MSH4: variants seen among roughly 807,000 people sequenced by gnomAD.
The protein encoded by MSH4 is mutS protein homolog 4.
In MSH4, 106 loss-of-function variants were observed where a neutral mutation model predicts 113.7. The ratio of observed to expected loss-of-function variants is 0.93; its 90% CI spans 0.80 to 1.10. The LOEUF (loss-of-function observed/expected upper bound fraction) is 1.10. Among genes scored for constraint, MSH4 ranks in the 50% least tolerant of loss-of-function variants. The pLI, the probability that MSH4 is intolerant of heterozygous loss-of-function variation, is 0.00. For synonymous variants in MSH4, 368 were observed against 380.2 expected (o/e 0.97, Z 0.37); for missense variants, 1,061 against 1,093.7 (o/e 0.97, Z 0.42).
Position 75,883,709 on chromosome 1 carries a change from C to T in MSH4, c.1995C>T (p.Asn665=). 1 of 1,613,134 alleles carries T rather than the reference C, an allele frequency of 6.2e-7. No individual in the cohort carries two copies. The highest frequency in any genetic ancestry group is 8.5e-7 in the Non-Finnish European group (1 of 1,179,520). The change falls in exon 15 of 20, where the codon AAC becomes AAT. Residue 665 remains asparagine (N), a synonymous_variant. Transcript: ENST00000263187. ...TATCTGCGGAAAAACCTATTGCCAA[C>T]AATACCTATGTTACAGAAGGGAGTA... ...EKISAEKPIA[N]NTYVTEGSNF...
At chr1:75,820,447 C>G (rs1223370776) in intron 6 of MSH4, among the ~76,000 whole-genome samples, 1 of 152,128 alleles carries the variant, frequency 6.6e-6, no homozygotes, top group African/African-American at 2.4e-5. Context: ...TCCATCTGGT[C>G]CTGGACATTT....
At position 75,822,504 on chromosome 1, in the gene MSH4, T is replaced by C; in HGVS notation, c.1085T>C (p.Ile362Thr). 6.3e-7 allele frequency: 1 copy of C among 1,587,430 alleles called. No individual in the cohort carries two copies. Among genetic ancestry groups the C allele is most frequent in the Non-Finnish European group, 8.5e-7 (1 of 1,169,926 alleles). ...RSNILEPLVD[I>T]ETINMRLDCV... is the part of the protein sequence containing the mutation. ...AATATATTAGAGCCTCTAGTTGATA[T>C]TGAAACCATTAACATGAGATTAGAT... Residue 362 changes from isoleucine to threonine, a missense_variant, in exon 7 of 20, where the codon ATT becomes ACT. By Grantham distance (89) the Ile-to-Thr change is moderately conservative. Coordinates refer to ENST00000263187, the MANE Select transcript of MSH4 (RefSeq NM_002440.4).
chr1:75,830,984 C>T (rs1259756949), intron 7 of MSH4, among the ~76,000 whole-genome samples: 1 of 152,122 alleles, frequency 6.6e-6, no homozygotes, highest in Non-Finnish European at 1.5e-5. Context: ...AATTAAAAGA[C>T]ACAGACTGGC....
Position 75,912,833 on chromosome 1 carries a change from G to A in MSH4, c.2757G>A (p.Lys919=). The A allele has an allele frequency of 6.3e-7, 1 of 1,579,568 alleles. No homozygotes were observed. The highest frequency in any genetic ancestry group is 8.6e-7 in the Non-Finnish European group (1 of 1,164,284). The change falls in exon 20 of 20, where the codon AAG becomes AAA. Residue 919 remains lysine (K), a synonymous_variant. Coordinates refer to ENST00000263187, the MANE Select transcript of MSH4 (RefSeq NM_002440.4). ...LRIYLSNLKK[K]YKEDFPRTEQ... ...TATATTTAAGTAACCTCAAGAAGAA[G>A]TACAAAGAAGATTTTCCCAGGACTG... is the stretch of plus-strand genomic sequence containing the variant.
At chr1:75,856,612 T>A (rs1284060289) in intron 8 of MSH4, among the ~76,000 whole-genome samples, 1 of 152,212 alleles carries the variant, frequency 6.6e-6, no homozygotes, top group African/African-American at 2.4e-5. Context: ...GCAAAGCACA[T>A]GAACTCATCC....
At chr1:75,830,226 A>G (rs1650651680) in intron 7 of MSH4, among the ~76,000 whole-genome samples, 1 of 152,132 alleles carries the variant, frequency 6.6e-6, no homozygotes, top group South Asian at 2.1e-4. Context: ...AAGCAAAAAG[A>G]CAAGTTTAGA....
At chr1:75,831,301 G>A (rs898341372) in intron 7 of MSH4, among the ~76,000 whole-genome samples, 5 of 152,126 alleles carry the variant, frequency 3.3e-5, no homozygotes, top group African/African-American at 1.2e-4. Context: ...AGTGCTTAGA[G>A]ACCTACAAAG....
At chr1:75,800,131 A>C (rs1316394597) in intron 1 of MSH4, among the ~76,000 whole-genome samples, 1 of 152,176 alleles carries the variant, frequency 6.6e-6, no homozygotes, top group African/African-American at 2.4e-5. Context: ...AACAAGAAAC[A>C]GCCCTCTCCA....
rs1184323250 is a variant in MSH4, at chr1:75,850,142, C to CT, written c.1230+1872dup. On this transcript the variant is annotated intron_variant, in intron 8 of 19. Transcript: ENST00000263187. ...CCAACTTTCTATTTCATTGGTTTCT[C>CT]TTTTTTGCTCCTGTTCTTTATTTCA... 3.3e-5 allele frequency among the ~76,000 whole-genome samples: 5 copies of CT among 152,078 alleles called. 1 individual carries two copies. The highest frequency in any genetic ancestry group is 4.1e-4 in the South Asian group (2 of 4,822).
At chr1:75,867,718 C>T (rs1476605330) in intron 9 of MSH4, 130 bp downstream of exon 9, 12 of 611,048 alleles carry the variant, frequency 2.0e-5, no homozygotes, top group Admixed American at 6.7e-5. Context: ...TTTCTTTGTA[C>T]ATACTTTACA....
At chr1:75,860,554 T>A (rs1651432971) in intron 8 of MSH4, among the ~76,000 whole-genome samples, 2 of 152,238 alleles carry the variant, frequency 1.3e-5, no homozygotes, top group African/African-American at 4.8e-5. Flanking sequence ...AAATTATGGG[T>A]TGAAAATTCT....
At chr1:75,899,545 A>G in intron 18 of MSH4, 73 bp from the exon 19 acceptor site, 2 of 767,036 alleles carry the variant, frequency 2.6e-6, no homozygotes, top group Non-Finnish European at 4.1e-6. Context: ...TAAAAGATTA[A>G]TACTAGTTAA....
intron 7 of MSH4, among the ~76,000 whole-genome samples, chr1:75,837,863 A>G (rs538193907): frequency 6.6e-5 from 10 of 152,240 alleles, no homozygotes; most frequent in African/African-American, 2.2e-4. Context: ...TGCTTCTTCT[A>G]TCCCCATGGC....
chr1:75,866,619 A>G (rs566479339), intron 8 of MSH4, among the ~76,000 whole-genome samples: 1 of 152,262 alleles, frequency 6.6e-6, no homozygotes, highest in East Asian at 1.9e-4. Context: ...ATTTTTTCTA[A>G]ATTGATGCAT....
chr1:75,848,222 T>C lies in MSH4; in HGVS notation c.1176T>C (p.Phe392=), dbSNP rs776561782. The change falls in exon 8 of 20, where the codon TTT becomes TTC. Residue 392 remains phenylalanine, a synonymous_variant. Coordinates refer to ENST00000263187, the MANE Select transcript of MSH4 (RefSeq NM_002440.4). ...TGTTTGTTTCAGTTATATCAAGATT[T>C]CTTGATACAGAGCAGCTTCTTTCTG... The part of the protein sequence containing the change: ...FFGLQSVISR[F]LDTEQLLSVL... 2 of 1,606,344 alleles carry C rather than the reference T, an allele frequency of 1.2e-6. No homozygotes were observed. The highest frequency in any genetic ancestry group is 1.7e-5 in the Admixed American group (1 of 59,612).
chr1:75,850,574 G>T (rs978787052), intron 8 of MSH4, among the ~76,000 whole-genome samples: 1 of 151,996 alleles, frequency 6.6e-6, no homozygotes, highest in Admixed American at 6.6e-5. Flanking sequence ...GCCCAAAATA[G>T]AGTTAATCTT....
chr1:75,801,611 T>C (rs897333425), intron 1 of MSH4, among the ~76,000 whole-genome samples: 3 of 150,176 alleles, frequency 2.0e-5, no homozygotes, highest in Admixed American at 6.6e-5. Context: ...TGGTGGCTTA[T>C]GCTTGTAATC....
At chr1:75,826,179 TG>T (rs547773349) in intron 7 of MSH4, among the ~76,000 whole-genome samples, 171 of 152,340 alleles carry the variant, frequency 1.1e-3, no homozygotes, top group African/African-American at 4.0e-3. Context: ...AACTTCTTCC[TG>T]GTTTAGTCTT....
chr1:75,841,544 A>G (rs144410303), intron 7 of MSH4, among the ~76,000 whole-genome samples: 2 of 152,184 alleles, frequency 1.3e-5, no homozygotes, highest in African/African-American at 2.4e-5. Context: ...AGGATTGGCC[A>G]GTAGTTATTT....
Sources: gnomAD v4.1 joint callset for allele counts (sites outside exome capture counted in the v4.1 genomes callset) on GRCh38, gnomAD v4.1.1 for gene constraint, MANE v1.5 for transcripts, NCBI Gene and HGNC (gene_info 2026-07-23, HGNC 2026-07-21) for gene names.